CCDC120: variants seen among roughly 807,000 people sequenced by gnomAD.
CCDC120 encodes coiled-coil domain-containing protein 120.
A neutral mutation model predicts 37.6 loss-of-function variants in CCDC120; 16 were observed. That is an observed-to-expected ratio of 0.43 (90% CI 0.29 to 0.65). The LOEUF (loss-of-function observed/expected upper bound fraction) is 0.65, where lower values mean the gene tolerates loss of function less well. CCDC120 is among the 30% of genes least tolerant of loss of function. CCDC120 has a pLI of 0.18. For synonymous variants in CCDC120, 309 were observed against 275.4 expected, an observed-to-expected ratio of 1.12 and a Z score of -1.21; for missense variants, 650 against 657.4, an observed-to-expected ratio of 0.99 and a Z score of 0.12.
chrX:49,062,784 G>C (rs2064901557), intron 4 of CCDC120, 183 bp downstream of exon 4: 2 of 524,455 alleles, frequency 3.8e-6, no homozygotes, highest in Non-Finnish European at 6.0e-6. Flanking sequence ...AATAGGCTGG[G>C]CGCTGTGGCT....
At chrX:49,058,018 C>G (rs1316920659), upstream of CCDC120, among the ~76,000 whole-genome samples, 1 of 111,946 alleles carries the variant, frequency 8.9e-6, no homozygotes. Flanking sequence ...CCCTTCCCTA[C>G]TTCTCCTTCC....
upstream of CCDC120, among the ~76,000 whole-genome samples, chrX:49,058,719 C>T (rs915456925): frequency 2.7e-5 from 3 of 112,554 alleles, no homozygotes; most frequent in Admixed American, 9.4e-5. Flanking sequence ...ATGGGGGTCT[C>T]ATTATGTTGC....
chrX:49,067,606 G>C lies in CCDC120; in HGVS notation c.1492G>C (p.Gly498Arg). The change falls in exon 10 of 11, where the codon GGG becomes CGG. Residue 498 changes from glycine to arginine, a missense_variant. Gly to Arg is a moderately radical substitution (Grantham distance 125). Transcript: ENST00000603986. The part of the protein sequence containing the change: ...LPRSGGGTGW[G>R]ELPPAAEVPG... ...CCGCAGTGGCGGTGGAACAGGCTGG[G>C]GGGAGCTGCCGCCTGCAGCTGAGGT... 1 of 1,185,520 alleles carries C rather than the reference G, an allele frequency of 8.4e-7. No homozygotes were observed. Among genetic ancestry groups the C allele is most frequent in the East Asian group, 3.0e-5 (1 of 33,519 alleles).
At position 49,065,837 on chromosome X, in the gene CCDC120, G is replaced by A. The variant is rs782445188; in HGVS notation, c.1053G>A (p.Gln351=). 3 of 1,165,388 alleles carry A rather than the reference G, an allele frequency of 2.6e-6. No individual in the cohort carries two copies. The highest frequency in any genetic ancestry group is 3.4e-6 in the Non-Finnish European group (3 of 871,655). The change falls in exon 9 of 11, where the codon CAG becomes CAA. Residue 351 remains glutamine (Q), a synonymous_variant. Coordinates refer to ENST00000603986, the MANE Select transcript of CCDC120 (RefSeq NM_001163321.4). The part of the protein sequence containing the change: ...TPVLTRGAGP[Q]LCKPEGLHSR... ...TCCTCACCCGGGGCGCTGGCCCCCA[G>A]CTCTGCAAGTAAGGGGAATCTGAGG...
At chrX:49,055,359 A>G (rs1177004359), upstream of CCDC120, among the ~76,000 whole-genome samples, 1 of 112,267 alleles carries the variant, frequency 8.9e-6, no homozygotes, top group African/African-American at 3.2e-5. Context: ...CTTCTAGGCC[A>G]TGTTTGATTC....
intron 1 of CCDC120, chrX:49,059,340 G>T (rs1422894284): frequency 1.3e-6 from 1 of 752,681 alleles, no homozygotes; most frequent in Non-Finnish European, 1.6e-6. Flanking sequence ...GGCCGGAAAT[G>T]GACGAGGAGG....
upstream of CCDC120, among the ~76,000 whole-genome samples, chrX:49,058,596 C>T (rs1238608724): frequency 4.4e-5 from 5 of 112,835 alleles, no homozygotes; most frequent in East Asian, 1.4e-3. Flanking sequence ...GTAGGAGAGG[C>T]AGCTGCTACT....
rs138950632 is a variant in CCDC120, at chrX:49,063,934, C to T, written c.362C>T (p.Pro121Leu). The T allele has an allele frequency of 7.5e-6, 9 of 1,206,741 alleles. No individual in the cohort carries two copies. Among genetic ancestry groups the T allele is most frequent in the South Asian group, 1.8e-5 (1 of 56,291 alleles). The change falls in exon 5 of 11, where the codon CCC (proline) becomes CTC (leucine). Residue 121 changes from proline to leucine, a missense_variant. Coordinates refer to ENST00000603986, the MANE Select transcript of CCDC120 (RefSeq NM_001163321.4). Reference sequence around the variant, plus strand: ...CGGCCCCAGTTGGTCCGCCGGCGGCCCCCCACAGCCCGCGCCTACCCTCCA... The same window carrying T: ...CGGCCCCAGTTGGTCCGCCGGCGGCTCCCCACAGCCCGCGCCTACCCTCCA... ...GERPQLVRRR[P>L]PTARAYPPPH...
chrX:49,067,938 C>A lies in CCDC120; in HGVS notation c.1824C>A (p.Pro608=). Residue 608 remains proline, a synonymous_variant, in exon 10 of 11, where the codon CCC becomes CCA. Coordinates refer to ENST00000603986, the MANE Select transcript of CCDC120 (RefSeq NM_001163321.4). ...YIRNSGLAAG[P]QRRPVLPSVG... ...GGAACTCGGGACTGGCTGCGGGGCC[C>A]CAGCGCCGGCCTGTGCTCCCTTCCG... The A allele has an allele frequency of 8.7e-7, 1 of 1,144,029 alleles. No homozygotes were observed. The allele number at this position is 1,144,029 out of a possible 1,213,427, so 94.3% of individuals were successfully genotyped here.
upstream of CCDC120, among the ~76,000 whole-genome samples, chrX:49,057,082 C>T (rs2064836513): frequency 1.8e-5 from 2 of 111,428 alleles, no homozygotes; most frequent in South Asian, 3.8e-4. Context: ...GCCCAGGGCC[C>T]AGCTGGGGTA....
At chrX:49,054,563 C>T (rs1338540893), upstream of CCDC120, among the ~76,000 whole-genome samples, 1 of 111,047 alleles carries the variant, frequency 9.0e-6, no homozygotes, top group Non-Finnish European at 1.9e-5. Flanking sequence ...CTGGTCTTTT[C>T]CTGTTCCTGA....
intron 10 of CCDC120, 94 bp from the exon 11 acceptor site, chrX:49,068,450 G>T: frequency 9.6e-7 from 1 of 1,044,819 alleles, no homozygotes. Context: ...TCTTTAACGA[G>T]CCTCTTTTCC....
At chrX:49,068,232 A>C in intron 10 of CCDC120, 142 bp downstream of exon 10, 1 of 1,097,740 alleles carries the variant, frequency 9.1e-7, no homozygotes, top group Non-Finnish European at 1.2e-6. Flanking sequence ...GGGTCACTCT[A>C]CTGCACATGA....
rs1335479428 is a variant in CCDC120, at chrX:49,068,662, C to T, written c.*4C>T. 3.6e-6 allele frequency: 4 copies of T among 1,113,399 alleles called. No homozygotes were observed. Among genetic ancestry groups the T allele is most frequent in the Non-Finnish European group, 2.4e-6 (2 of 847,641 alleles). The allele number at this position is 1,113,399 out of a possible 1,213,427, so 91.8% of individuals were successfully genotyped here. A position where few individuals can be genotyped will look rare whatever the true frequency, so the allele number is the denominator to read the frequency against. On this transcript the variant is annotated 3_prime_UTR_variant, in exon 11 of 11. Coordinates refer to ENST00000603986, the MANE Select transcript of CCDC120 (RefSeq NM_001163321.4). ...GACCCCGGGGACACTGGTCTGACCC[C>T]TTCTGATATGTCCCTTGTTGGCCTG...
At position 49,064,421 on chromosome X, in the gene CCDC120, G is replaced by A. The variant is rs782485594; in HGVS notation, c.481G>A (p.Ala161Thr). ...CGAGGTGTCAGTGCAACAGCAGATC[G>A]CGGCGGCCGCCCGCCGCCTGGCCTT... is the stretch of plus-strand genomic sequence containing the variant. ...EREVSVQQQI[A>T]AAARRLALAP... Residue 161 changes from alanine to threonine, a missense_variant, in exon 6 of 11, where the codon GCG becomes ACG. Physicochemically the swap from Ala to Thr is moderately conservative, Grantham distance 58. This residue lies in a region of CCDC120 where 576 missense variants were observed against 565.3 expected (regional missense o/e 1.02). Transcript: ENST00000603986. The A allele has an allele frequency of 5.0e-5, 59 of 1,175,143 alleles. No homozygotes were observed. The highest frequency in any genetic ancestry group is 3.2e-4 in the Middle Eastern group (1 of 3,134).
intron 4 of CCDC120, chrX:49,062,805 A>G: frequency 2.2e-6 from 1 of 453,948 alleles, no homozygotes; most frequent in Non-Finnish European, 3.6e-6. Flanking sequence ...CACGCCTGTA[A>G]TCCCAGCACT....
Position 49,067,339 on chromosome X carries a change from GCTGGCTCCCCGCCTGCCCCT to G in CCDC120, c.1235_1254del (p.Pro412LeufsTer12). 8.3e-7 allele frequency: 1 copy of G among 1,205,452 alleles called. No individual in the cohort carries two copies. The highest frequency in any genetic ancestry group is 1.1e-6 in the Non-Finnish European group (1 of 892,958). On this transcript the variant is annotated frameshift_variant, in exon 10 of 11. Coordinates refer to ENST00000603986, the MANE Select transcript of CCDC120 (RefSeq NM_001163321.4). LOFTEE classifies it high-confidence loss of function. Reference sequence around the variant, plus strand: ...GGTGGACCGGGCCGCTGGTGGGGGAGCTGGCTCCCCGCCTGCCCCTCTGGCTCCCTCTGCCTCTGGCCCCC... The same window carrying G: ...GGTGGACCGGGCCGCTGGTGGGGGAGCTGGCTCCCTCTGCCTCTGGCCCCC...
rs782038798 is a variant in CCDC120 at position 49,062,537 on chromosome X, G to A, written c.224G>A (p.Arg75Gln). 16 of 1,209,449 alleles carry A rather than the reference G, an allele frequency of 1.3e-5. No homozygotes were observed. In the South Asian group the frequency reaches 2.5e-4, roughly 19 times the overall value. The stretch of plus-strand genomic sequence containing the variant: ...CTGCGGGGGCTGCTTGACCGGCAGC[G>A]GACCCTGCAGGAGGCCCTGAGCCTG... Reference protein sequence around the residue: ...ERLRGLLDRQRTLQEALSLKL... With the variant: ...ERLRGLLDRQQTLQEALSLKL... Residue 75 changes from arginine to glutamine, a missense_variant, in exon 4 of 11, where the codon CGG becomes CAG. Arg to Gln is a conservative substitution (Grantham distance 43). Transcript: ENST00000603986.
At chrX:49,054,785 C>G (rs1353924872), upstream of CCDC120, among the ~76,000 whole-genome samples, 3 of 111,041 alleles carry the variant, frequency 2.7e-5, no homozygotes, top group African/African-American at 9.9e-5. Flanking sequence ...CATCCTGCCT[C>G]TTGACCTCCA....
Sources: allele counts gnomAD v4.1 joint callset (sites outside exome capture counted in the v4.1 genomes callset), GRCh38; gene constraint gnomAD v4.1.1; regional missense constraint gnomAD v4.1.1; transcripts MANE v1.5; gene names NCBI Gene and HGNC (gene_info 2026-07-23, HGNC 2026-07-21).